Variants in AGBL4 observed in about 807,000 individuals in gnomAD.
AGBL4 encodes cytosolic carboxypeptidase 6.
AGBL4 carries 58 observed loss-of-function variants against 66.4 expected under a neutral mutation model. That is an observed-to-expected ratio of 0.87 (90% CI 0.71 to 1.09). The LOEUF is 1.09. AGBL4 is among the 50% of genes least tolerant of loss of function. AGBL4 has a pLI of 0.00. For missense variants in AGBL4, 579 were observed against 631.0 expected, an observed-to-expected ratio of 0.92 and a Z score of 0.88; for synonymous variants, 234 against 222.9, an observed-to-expected ratio of 1.05 and a Z score of -0.44.
intron 3 of AGBL4, among the ~76,000 whole-genome samples, chr1:49,680,614 T>G (rs1646674603): frequency 6.6e-6 from 1 of 152,118 alleles, no homozygotes; most frequent in Non-Finnish European, 1.5e-5. Flanking sequence ...TCTCTATAAG[T>G]AAGCATTTCT....
intron 4 of AGBL4, among the ~76,000 whole-genome samples, chr1:49,114,783 C>T (rs912087758): frequency 3.3e-5 from 5 of 152,092 alleles, no homozygotes; most frequent in African/African-American, 1.2e-4. Flanking sequence ...AAGGGCTGAT[C>T]AGTGGAGCTT....
intron 6 of AGBL4, among the ~76,000 whole-genome samples, chr1:48,731,828 A>C (rs1164849854): frequency 6.6e-6 from 1 of 152,226 alleles, no homozygotes; most frequent in Non-Finnish European, 1.5e-5. Flanking sequence ...TGGCATGTTT[A>C]GAAGCTTACC....
rs79775688 is a variant in AGBL4, at chr1:49,788,836, G to A, written c.157+62560C>T. 8.5e-5 allele frequency among the ~76,000 whole-genome samples: 13 copies of A among 152,264 alleles called. No individual in the cohort carries two copies. The East Asian group carries it at 1.9e-3, about 23-fold the overall frequency. ...CAATGTGGTAAAAAGAATATTTTAC[G>A]AAATAATGCCTGATTGCCCTAGCCA... On this transcript the variant is annotated intron_variant, in intron 2 of 13. Coordinates refer to ENST00000371839, the MANE Select transcript of AGBL4 (RefSeq NM_032785.4).
chr1:49,327,228 T>TG (rs1338839453), intron 3 of AGBL4, among the ~76,000 whole-genome samples: 1 of 152,188 alleles, frequency 6.6e-6, no homozygotes, highest in Non-Finnish European at 1.5e-5. Context: ...TTAAAGGCTT[T>TG]GGGGAGTAGG....
chr1:48,564,293 C>T (rs1443701019), intron 11 of AGBL4, among the ~76,000 whole-genome samples: 1 of 152,154 alleles, frequency 6.6e-6, no homozygotes, highest in African/African-American at 2.4e-5. Context: ...TAAACCTTTT[C>T]AACAGTTCTG....
At chr1:48,981,529 C>T (rs1027776527) in intron 5 of AGBL4, among the ~76,000 whole-genome samples, 5 of 152,072 alleles carry the variant, frequency 3.3e-5, no homozygotes, top group African/African-American at 1.2e-4. Flanking sequence ...GGACATCTGA[C>T]TACATGAGAA....
chr1:49,795,247 A>G (rs895707374), intron 2 of AGBL4, among the ~76,000 whole-genome samples: 1 of 151,968 alleles, frequency 6.6e-6, no homozygotes, highest in African/African-American at 2.4e-5. Flanking sequence ...ACTTTCATTT[A>G]AGTCTTTTAT....
intron 4 of AGBL4, among the ~76,000 whole-genome samples, chr1:49,123,600 C>G (rs929997834): frequency 2.0e-5 from 3 of 152,102 alleles, no homozygotes; most frequent in Non-Finnish European, 2.9e-5. Flanking sequence ...GAAATAGCCC[C>G]ATGAAATGTT....
chr1:49,271,092 TAGTC>T (rs1381061120), intron 3 of AGBL4, among the ~76,000 whole-genome samples: 4 of 152,204 alleles, frequency 2.6e-5, no homozygotes, highest in African/African-American at 7.2e-5. Context: ...GTTCAATTCT[TAGTC>T]AGAGAACTAG....
chr1:49,280,646 A>C (rs1644255875), intron 3 of AGBL4, among the ~76,000 whole-genome samples: 1 of 152,234 alleles, frequency 6.6e-6, no homozygotes, highest in Non-Finnish European at 1.5e-5. Context: ...CGAATTAAGG[A>C]GTATAGACAA....
At chr1:49,505,172 T>G (rs1648565539) in intron 3 of AGBL4, among the ~76,000 whole-genome samples, 1 of 152,098 alleles carries the variant, frequency 6.6e-6, no homozygotes, top group Non-Finnish European at 1.5e-5. Flanking sequence ...TTTACATCTT[T>G]TTATAATATA....
intron 4 of AGBL4, among the ~76,000 whole-genome samples, chr1:49,150,995 G>A (rs1054907247): frequency 3.9e-5 from 6 of 152,126 alleles, no homozygotes; most frequent in South Asian, 2.1e-4. Context: ...TAGGCCAGGC[G>A]CGGTGGCTCA....
chr1:49,305,818 G>A (rs1211481755), intron 3 of AGBL4, among the ~76,000 whole-genome samples: 1 of 151,916 alleles, frequency 6.6e-6, no homozygotes, highest in East Asian at 1.9e-4. Context: ...AGCCTCCCGA[G>A]TAGCTGGGAT....
At chr1:49,204,317 C>G (rs1647959835) in intron 4 of AGBL4, among the ~76,000 whole-genome samples, 1 of 151,998 alleles carries the variant, frequency 6.6e-6, no homozygotes, top group Non-Finnish European at 1.5e-5. Flanking sequence ...GTCATCCAGG[C>G]TGGAGTGCAG....
chr1:49,257,013 T>G (rs1049336525), intron 3 of AGBL4, among the ~76,000 whole-genome samples: 15 of 150,842 alleles, frequency 9.9e-5, no homozygotes, highest in African/African-American at 3.4e-4. Context: ...CACAGCAGAT[T>G]AGTTTATGGA....
intron 3 of AGBL4, among the ~76,000 whole-genome samples, chr1:49,547,826 T>A (rs1240620193): frequency 6.6e-6 from 1 of 151,404 alleles, no homozygotes; most frequent in African/African-American, 2.4e-5. Flanking sequence ...CAGGCTGGAG[T>A]GCAGTGCCAT....
chr1:49,763,929 C>A (rs192440381), intron 2 of AGBL4, among the ~76,000 whole-genome samples: 132 of 152,278 alleles, frequency 8.7e-4, no homozygotes, highest in African/African-American at 3.2e-3. Context: ...GACCCCCATG[C>A]CCCTGCTACT....
intron 5 of AGBL4, among the ~76,000 whole-genome samples, chr1:48,898,241 A>G (rs1651731139): frequency 6.6e-6 from 1 of 152,008 alleles, no homozygotes; most frequent in Non-Finnish European, 1.5e-5. Context: ...GTTTTCTCCC[A>G]TTCTGTGGGT....
chr1:49,693,563 T>G (rs1646928567), intron 3 of AGBL4, among the ~76,000 whole-genome samples: 1 of 152,108 alleles, frequency 6.6e-6, no homozygotes, highest in South Asian at 2.1e-4. Context: ...GCCAAAAAAA[T>G]TAACAGTATT....
Sources: gnomAD v4.1 joint callset for allele counts (sites outside exome capture counted in the v4.1 genomes callset) on GRCh38, gnomAD v4.1.1 for gene constraint, MANE v1.5 for transcripts, NCBI Gene and HGNC (gene_info 2026-07-23, HGNC 2026-07-21) for gene names.